ST7L: variants seen among roughly 807,000 people sequenced by gnomAD.
ST7L encodes the protein suppressor of tumorigenicity 7 protein-like.
A neutral mutation model predicts 72.5 loss-of-function variants in ST7L; 57 were observed. The ratio of observed to expected loss-of-function variants is 0.79; its 90% CI spans 0.64 to 0.98. The LOEUF is 0.98. Among genes scored for constraint, ST7L ranks in the 50% least tolerant of loss-of-function variants. The pLI, the probability that ST7L is intolerant of heterozygous loss-of-function variation, is 0.00. For missense variants in ST7L, 576 were observed against 672.2 expected, an observed-to-expected ratio of 0.86 and a Z score of 1.58; for synonymous variants, 221 against 240.9, an observed-to-expected ratio of 0.92 and a Z score of 0.77.
intron 11 of ST7L, among the ~76,000 whole-genome samples, chr1:112,568,681 A>G (rs1661478224): frequency 6.8e-6 from 1 of 146,478 alleles, no homozygotes; most frequent in African/African-American, 2.5e-5. Flanking sequence ...TAAATAGAAT[A>G]CCTTTAATTT....
chr1:112,546,814 T>G (rs916945694), intron 13 of ST7L, among the ~76,000 whole-genome samples: 1 of 151,998 alleles, frequency 6.6e-6, no homozygotes, highest in East Asian at 1.9e-4. Context: ...AAATATTATA[T>G]GTATACTTCA....
At chr1:112,540,530 T>C (rs1162355161) in intron 14 of ST7L, 29 of 985,312 alleles carry the variant, frequency 2.9e-5, no homozygotes, top group African/African-American at 3.5e-5. Flanking sequence ...TGGAAAGTCA[T>C]TCTTCTTGAA....
chr1:112,532,853 T>C (rs1304557587), intron 14 of ST7L, among the ~76,000 whole-genome samples: 1 of 152,166 alleles, frequency 6.6e-6, no homozygotes, highest in Admixed American at 6.5e-5. Flanking sequence ...TGAGGCCTCA[T>C]GAGCATTAAG....
chr1:112,539,842 G>T (rs534963266), intron 14 of ST7L: 3 of 985,108 alleles, frequency 3.0e-6, no homozygotes, highest in Non-Finnish European at 2.4e-6. Context: ...AGGCCACAGG[G>T]ATAAAAATGT....
At position 112,605,346 on chromosome 1, in the gene ST7L, T is replaced by C. The variant is rs997818400; in HGVS notation, c.452-4498A>G. Among the ~76,000 whole-genome samples the C allele has an allele frequency of 2.6e-5, 4 of 151,000 alleles. No homozygotes were observed. In the South Asian group the frequency reaches 6.3e-4, roughly 24 times the overall value. ...CAGCAGAGGTTGCAGTGAGCCGAGA[T>C]TGCGCTCCTGCACTCCAGCCTGGGC... On this transcript the variant is annotated intron_variant, in intron 3 of 14. Transcript: ENST00000358039.
At chr1:112,593,479 ATCATAAGGTCAGGGGT>A (rs1665994109) in intron 5 of ST7L, among the ~76,000 whole-genome samples, 1 of 152,200 alleles carries the variant, frequency 6.6e-6, no homozygotes, top group Non-Finnish European at 1.5e-5. Flanking sequence ...ATCAGCAGTT[ATCATAAGGTCAGGGGT>A]CATAAATATG....
downstream of ST7L, chr1:112,520,518 A>C: frequency 6.2e-7 from 1 of 1,612,988 alleles, no homozygotes; most frequent in Non-Finnish European, 8.5e-7. Flanking sequence ...GAACACACAG[A>C]TACCTCACTC....
intron 14 of ST7L, among the ~76,000 whole-genome samples, chr1:112,538,032 C>T (rs1252571083): frequency 3.9e-5 from 6 of 152,118 alleles, no homozygotes; most frequent in Non-Finnish European, 8.8e-5. Context: ...GAAATTCAAA[C>T]TCAATTTGCT....
At chr1:112,548,960 T>C (rs1194746285) in intron 13 of ST7L, among the ~76,000 whole-genome samples, 2 of 152,106 alleles carry the variant, frequency 1.3e-5, no homozygotes, top group Non-Finnish European at 2.9e-5. Flanking sequence ...GTTTGGGTCC[T>C]TTGCCTTTCC....
At chr1:112,565,038 TTTTA>T (rs1018340822) in intron 11 of ST7L, among the ~76,000 whole-genome samples, 1 of 150,794 alleles carries the variant, frequency 6.6e-6, no homozygotes, top group African/African-American at 2.4e-5. Flanking sequence ...AAATAGTAAT[TTTTA>T]TTTATTATTA....
intron 14 of ST7L, among the ~76,000 whole-genome samples, chr1:112,539,513 G>T (rs1209521578): frequency 6.6e-6 from 1 of 152,102 alleles, no homozygotes; most frequent in African/African-American, 2.4e-5. Flanking sequence ...AAAGTTAGCT[G>T]GGCGTTGTGG....
chr1:112,540,068 G>T (rs1655859603), intron 14 of ST7L: 3 of 985,230 alleles, frequency 3.0e-6, no homozygotes, highest in Admixed American at 6.2e-5. Context: ...TAATCGTAAA[G>T]ATTCTTCTGG....
intron 3 of ST7L, among the ~76,000 whole-genome samples, chr1:112,604,088 A>C (rs1667829026): frequency 6.6e-6 from 1 of 152,142 alleles, no homozygotes; most frequent in African/African-American, 2.4e-5. Context: ...TGGGCAGATC[A>C]CTTGAGGTCA....
At chr1:112,604,263 G>T (rs1667858545) in intron 3 of ST7L, among the ~76,000 whole-genome samples, 1 of 151,982 alleles carries the variant, frequency 6.6e-6, no homozygotes, top group Admixed American at 6.6e-5. Flanking sequence ...GAGCCGAAAT[G>T]GTGCCACTAT....
At chr1:112,608,545 T>C (rs1668616130) in intron 3 of ST7L, among the ~76,000 whole-genome samples, 1 of 152,190 alleles carries the variant, frequency 6.6e-6, no homozygotes, top group Non-Finnish European at 1.5e-5. Flanking sequence ...AGATGAAATG[T>C]TCTTAAGGTT....
At chr1:112,552,339 C>T (rs192782184) in intron 12 of ST7L, among the ~76,000 whole-genome samples, 49 of 152,120 alleles carry the variant, frequency 3.2e-4, no homozygotes, top group Admixed American at 3.1e-3. Context: ...ATCAAAATTG[C>T]GATAAGGTTT....
At chr1:112,531,572 A>C (rs1360525852) in intron 14 of ST7L, among the ~76,000 whole-genome samples, 1 of 152,154 alleles carries the variant, frequency 6.6e-6, no homozygotes, top group East Asian at 1.9e-4. Context: ...CCGTGTGAAA[A>C]TAACTCACCA....
intron 14 of ST7L, chr1:112,539,013 C>T (rs180802345): frequency 7.2e-5 from 11 of 152,320 alleles, no homozygotes; most frequent in Admixed American, 5.9e-4. Context: ...AAGCAGCCTG[C>T]CTCCAGAATC....
chr1:112,554,013 C>T (rs1243765286), intron 12 of ST7L, among the ~76,000 whole-genome samples: 1 of 152,170 alleles, frequency 6.6e-6, no homozygotes, highest in Admixed American at 6.5e-5. Context: ...AGCCACCATA[C>T]CTAGCCTTGA....
Sources: allele counts gnomAD v4.1 joint callset (sites outside exome capture counted in the v4.1 genomes callset), GRCh38; gene constraint gnomAD v4.1.1; transcripts MANE v1.5; gene names NCBI Gene and HGNC (gene_info 2026-07-23, HGNC 2026-07-21).